STK32C: variants seen among roughly 807,000 people sequenced by gnomAD.
STK32C encodes the protein serine/threonine-protein kinase 32C.
A neutral mutation model predicts 56.5 loss-of-function variants in STK32C; 31 were observed. The ratio of observed to expected loss-of-function variants is 0.55; its 90% CI spans 0.41 to 0.74. The LOEUF (loss-of-function observed/expected upper bound fraction) is 0.74, where lower values mean the gene tolerates loss of function less well. Among genes scored for constraint, STK32C ranks in the 30% least tolerant of loss-of-function variants. The pLI is 0.00. For missense variants in STK32C, 544 were observed against 676.9 expected (o/e 0.80, Z 2.18); for synonymous variants, 309 against 289.4 (o/e 1.07, Z -0.69).
chr10:132,225,464 G>C (rs767260088), intron 6 of STK32C, 63 bp downstream of exon 6: 16 of 1,604,458 alleles, frequency 1.0e-5, no homozygotes, highest in African/African-American at 1.3e-5. Flanking sequence ...AGAAGCCACC[G>C]AGGTCTTGTC....
chr10:132,323,972 C>T (rs774552347), downstream of STK32C: 17 of 436,572 alleles, frequency 3.9e-5, no homozygotes, highest in Admixed American at 7.1e-5. The surrounding 1 kb of genome is among the most constrained non-coding windows in gnomAD (Gnocchi z 4.8). Context: ...CCGGAGAGAG[C>T]GGGAAGCCAC....
intron 1 of STK32C, among the ~76,000 whole-genome samples, chr10:132,315,053 G>A (rs1368326286): frequency 1.3e-5 from 2 of 152,146 alleles, no homozygotes; most frequent in Non-Finnish European, 2.9e-5. Flanking sequence ...AGAATCATTC[G>A]AACCTAAGAG....
intron 2 of STK32C, among the ~76,000 whole-genome samples, chr10:132,229,496 T>TA (rs2063019650): frequency 6.6e-6 from 1 of 152,208 alleles, no homozygotes; most frequent in South Asian, 2.1e-4. Context: ...ACCCTGTCTC[T>TA]AAAAAAATTA....
In STK32C at chr10:132,208,169, C is replaced by T; in HGVS notation, c.1320-18G>A. 7.6e-7 allele frequency: 1 copy of T among 1,308,610 alleles called. No homozygotes were observed. Among genetic ancestry groups the T allele is most frequent in the Admixed American group, 3.1e-5 (1 of 32,442 alleles). The allele number at this position is 1,308,610 out of a possible 1,614,324, so 81.1% of individuals were successfully genotyped here. ...TCTTCAGCCTGGGGTGGCAGGAACA[C>T]ATGGAGGGCGTTATGCCCCCACCTC... On this transcript the variant is annotated intron_variant, in intron 11 of 11. Transcript: ENST00000298630.
chr10:132,330,432 G>A (rs950233072), intron 1 of STK32C: 3 of 717,218 alleles, frequency 4.2e-6, no homozygotes, highest in Middle Eastern at 2.3e-4. Flanking sequence ...TGCTCTGCCC[G>A]GGTGGCTGGC....
At chr10:132,332,028 C>T, upstream of STK32C, 2 of 372,278 alleles carry the variant, frequency 5.4e-6, no homozygotes, top group South Asian at 1.3e-4. Flanking sequence ...CACCCACACC[C>T]CGCCCCCGCA....
chr10:132,269,559 C>A (rs2064748574), intron 1 of STK32C, among the ~76,000 whole-genome samples: 1 of 152,244 alleles, frequency 6.6e-6, no homozygotes, highest in Non-Finnish European at 1.5e-5. Flanking sequence ...TCTGGGCTGG[C>A]TGCTGATGGA....
At chr10:132,246,554 C>A (rs1194964075) in intron 1 of STK32C, among the ~76,000 whole-genome samples, 1 of 152,176 alleles carries the variant, frequency 6.6e-6, no homozygotes, top group African/African-American at 2.4e-5. Context: ...AGAGCCTGCG[C>A]CCAGCATGAG....
intron 10 of STK32C, among the ~76,000 whole-genome samples, chr10:132,214,099 T>A (rs1319995832): frequency 1.3e-5 from 2 of 151,404 alleles, no homozygotes; most frequent in African/African-American, 4.9e-5. Flanking sequence ...ATATTTGAAA[T>A]AATAATGACT....
intron 1 of STK32C, among the ~76,000 whole-genome samples, chr10:132,299,147 C>G (rs926469025): frequency 6.7e-6 from 1 of 150,002 alleles, no homozygotes; most frequent in African/African-American, 2.5e-5. Context: ...GCATGGATAG[C>G]TGATCCACCA....
chr10:132,207,952 C>T lies in STK32C; in HGVS notation c.*58G>A. 7.9e-7 allele frequency: 1 copy of T among 1,269,168 alleles called. No homozygotes were observed. The highest frequency in any genetic ancestry group is 1.0e-6 in the Non-Finnish European group (1 of 1,001,702). 78.6% of individuals were successfully genotyped at this position (1,269,168 alleles called of 1,614,324 possible). A position where few individuals can be genotyped will look rare whatever the true frequency, so the allele number is the denominator to read the frequency against. ...TGCCAGGCCTCGGCCCATGGCCCTC[C>T]CTCTGGCAGCCGAGTCTCCAAAGCA... On this transcript the variant is annotated 3_prime_UTR_variant, in exon 12 of 12. Transcript: ENST00000298630.
At chr10:132,212,038 T>C (rs2062320485) in intron 10 of STK32C, among the ~76,000 whole-genome samples, 1 of 151,922 alleles carries the variant, frequency 6.6e-6, no homozygotes, top group Non-Finnish European at 1.5e-5. Context: ...GCCTGGGAAA[T>C]GGAGCAGGCT....
At chr10:132,249,684 C>A (rs1431689793) in intron 1 of STK32C, among the ~76,000 whole-genome samples, 1 of 152,204 alleles carries the variant, frequency 6.6e-6, no homozygotes, top group Non-Finnish European at 1.5e-5. Flanking sequence ...CAGGTGCCCA[C>A]CTGGCCTTGC....
At chr10:132,217,330 C>T (rs922315713) in intron 10 of STK32C, among the ~76,000 whole-genome samples, 2 of 152,188 alleles carry the variant, frequency 1.3e-5, no homozygotes, top group African/African-American at 2.4e-5. Flanking sequence ...CCAATTTCTC[C>T]CATTTGGAAT....
intron 1 of STK32C, among the ~76,000 whole-genome samples, chr10:132,268,852 C>T (rs2064709479): frequency 8.1e-6 from 1 of 123,880 alleles, no homozygotes; most frequent in African/African-American, 3.1e-5. Context: ...CAGCTCTATG[C>T]CTGTGTGCAT....
chr10:132,259,845 T>C (rs2064247096), intron 1 of STK32C, among the ~76,000 whole-genome samples: 1 of 152,160 alleles, frequency 6.6e-6, no homozygotes, highest in African/African-American at 2.4e-5. Flanking sequence ...CGCTACACAC[T>C]TTCTGGGATG....
intron 1 of STK32C, among the ~76,000 whole-genome samples, chr10:132,278,757 CA>C (rs60685458): frequency 0.28 from 24,844 of 90,318 alleles, 1,878 homozygotes; most frequent in Non-Finnish European, 0.34. Context: ...GAGACTGTCT[CA>C]AAAAAAAAAA....
chr10:132,298,617 C>T (rs961220269), intron 1 of STK32C, among the ~76,000 whole-genome samples: 11 of 151,910 alleles, frequency 7.2e-5, no homozygotes, highest in African/African-American at 2.4e-4. Flanking sequence ...AGGGGAGCGC[C>T]CTGTGTGGGG....
intron 2 of STK32C, among the ~76,000 whole-genome samples, chr10:132,241,158 C>T (rs2063486747): frequency 1.3e-5 from 2 of 152,204 alleles, no homozygotes; most frequent in African/African-American, 4.8e-5. Context: ...CCAAACCCGA[C>T]CCTCCACCCA....
Sources: gnomAD v4.1 joint callset for allele counts (sites outside exome capture counted in the v4.1 genomes callset) on GRCh38, gnomAD v4.1.1 for gene constraint, Gnocchi (gnomAD v3.1) non-coding constraint, MANE v1.5 for transcripts, NCBI Gene and HGNC (gene_info 2026-07-23, HGNC 2026-07-21) for gene names.